PI4KA: variants seen among roughly 807,000 people sequenced by gnomAD.
The protein encoded by PI4KA is phosphatidylinositol 4-kinase alpha.
A neutral mutation model predicts 271.4 loss-of-function variants in PI4KA; 122 were observed. The ratio of observed to expected loss-of-function variants is 0.45; its 90% confidence interval spans 0.39 to 0.52. PI4KA has a LOEUF of 0.52. PI4KA is among the 20% of genes least tolerant of loss of function. The probability of loss-of-function intolerance (pLI) is 0.00; values close to 1 mark genes in which losing one functional copy is unlikely to be tolerated. For missense variants in PI4KA, 1,969 were observed against 2,769.1 expected (o/e 0.71, Z 6.48); for synonymous variants, 1,041 against 1,078.8 (o/e 0.96, Z 0.69).
chr22:20,747,205 C>T (rs1428552529), intron 29 of PI4KA, among the ~76,000 whole-genome samples: 1 of 152,184 alleles, frequency 6.6e-6, no homozygotes, highest in Non-Finnish European at 1.5e-5. Flanking sequence ...GAAAACAGAA[C>T]TGTTCAGGAG....
chr22:20,723,272 G>A (rs574063945), intron 42 of PI4KA, among the ~76,000 whole-genome samples: 9 of 151,646 alleles, frequency 5.9e-5, no homozygotes, highest in Middle Eastern at 3.4e-3. Context: ...CACCCGCCTC[G>A]GCTTCCCAAA....
At chr22:20,835,073 C>T (rs916952616) in intron 2 of PI4KA, among the ~76,000 whole-genome samples, 7 of 152,060 alleles carry the variant, frequency 4.6e-5, no homozygotes, top group Middle Eastern at 3.4e-3. Flanking sequence ...GCTCACAATG[C>T]GGGCATCTCA....
intron 19 of PI4KA, among the ~76,000 whole-genome samples, chr22:20,770,129 T>A (rs915659466): frequency 6.6e-6 from 1 of 151,938 alleles, no homozygotes; most frequent in African/African-American, 2.4e-5. Context: ...TCACTGTACA[T>A]ACTCAAGTGA....
chr22:20,821,800 A>T (rs1259492014), intron 4 of PI4KA, among the ~76,000 whole-genome samples: 2 of 151,928 alleles, frequency 1.3e-5, no homozygotes, highest in African/African-American at 4.8e-5. Context: ...CATGTTGGTT[A>T]GTCTGGTCTC....
chr22:20,782,024 CA>C (rs1409638316), intron 19 of PI4KA, among the ~76,000 whole-genome samples: 2 of 152,214 alleles, frequency 1.3e-5, no homozygotes. Context: ...ATATGATAAA[CA>C]TATGATATTG....
intron 1 of PI4KA, among the ~76,000 whole-genome samples, chr22:20,846,478 G>A (rs1926270921): frequency 6.6e-6 from 1 of 152,014 alleles, no homozygotes; most frequent in Non-Finnish European, 1.5e-5. Flanking sequence ...GCTGAATGAT[G>A]AGAACACAGG....
chr22:20,777,648 G>T (rs1027326671), intron 19 of PI4KA, among the ~76,000 whole-genome samples: 2 of 152,218 alleles, frequency 1.3e-5, no homozygotes, highest in Non-Finnish European at 2.9e-5. Flanking sequence ...CACAGCGCCT[G>T]GCCGGCAGTT....
chr22:20,813,630 G>T, intron 7 of PI4KA, 124 bp from the exon 8 acceptor site: 1 of 762,112 alleles, frequency 1.3e-6, no homozygotes, highest in Non-Finnish European at 2.1e-6. Flanking sequence ...CCAATTCTCT[G>T]CATGTTTTTA....
At chr22:20,725,440 C>G (rs192857903) in intron 42 of PI4KA, 1 of 379,420 alleles carries the variant, frequency 2.6e-6, no homozygotes, top group African/African-American at 2.1e-5. Context: ...CAGAATGGTA[C>G]TGTATTTGGA....
At chr22:20,803,699 T>G (rs1935478106) in intron 12 of PI4KA, among the ~76,000 whole-genome samples, 1 of 151,964 alleles carries the variant, frequency 6.6e-6, no homozygotes, top group African/African-American at 2.4e-5. Flanking sequence ...TAATTCTAAT[T>G]TTTTAAATTT....
intron 32 of PI4KA, among the ~76,000 whole-genome samples, chr22:20,737,282 G>T (rs911470526): frequency 6.6e-6 from 1 of 152,246 alleles, no homozygotes. Context: ...CCTGGGAAAA[G>T]CAGTTAGGCT....
At chr22:20,747,745 T>C (rs1930268955) in intron 28 of PI4KA, 43 bp from the exon 29 acceptor site, 3 of 1,591,206 alleles carry the variant, frequency 1.9e-6, no homozygotes, top group Non-Finnish European at 2.6e-6. Flanking sequence ...ATTTATCTGA[T>C]TTTTTTAGAG....
intron 28 of PI4KA, among the ~76,000 whole-genome samples, chr22:20,748,308 G>T (rs1930330059): frequency 6.6e-6 from 1 of 152,252 alleles, no homozygotes; most frequent in African/African-American, 2.4e-5. Flanking sequence ...ATCTGCTGTG[G>T]TAGCCACCAG....
intron 14 of PI4KA, among the ~76,000 whole-genome samples, chr22:20,800,795 A>G (rs568226872): frequency 6.7e-5 from 10 of 149,282 alleles, no homozygotes; most frequent in African/African-American, 2.2e-4. Flanking sequence ...AATGGCGTGA[A>G]CCCAGGAGGC....
intron 1 of PI4KA, among the ~76,000 whole-genome samples, chr22:20,850,636 AC>A (rs1464740115): frequency 6.6e-6 from 1 of 151,602 alleles, no homozygotes; most frequent in East Asian, 2.0e-4. Flanking sequence ...ACGGGGTTTC[AC>A]CGTGTTAGCC....
At chr22:20,710,583 G>A (rs1925126319) in intron 52 of PI4KA, 116 bp downstream of exon 52, 1 of 879,836 alleles carries the variant, frequency 1.1e-6, no homozygotes, top group Admixed American at 2.3e-5. Context: ...TAGGTCAGCA[G>A]GTGGCTGCTA....
At position 20,776,563 on chromosome 22, in the gene PI4KA, G is replaced by C. The variant is rs369503427; in HGVS notation, c.2329-10870C>G. Among the ~76,000 whole-genome samples the C allele has an allele frequency of 6.6e-5, 10 of 152,224 alleles. No homozygotes were observed. The South Asian group carries it at 1.4e-3, about 22-fold the overall frequency. ...CAGTATTATAAGGGGAAGACCCAAGGAATGGGACTGGCACTGGGAAAACAG... is the reference window on the plus strand; with the variant it reads ...CAGTATTATAAGGGGAAGACCCAAGCAATGGGACTGGCACTGGGAAAACAG... On this transcript the variant is annotated intron_variant, in intron 19 of 54. Transcript: ENST00000255882.
At chr22:20,762,176 A>C (rs1932034725) in intron 22 of PI4KA, among the ~76,000 whole-genome samples, 1 of 152,304 alleles carries the variant, frequency 6.6e-6, no homozygotes, top group African/African-American at 2.4e-5. Context: ...GGCTGTTCAG[A>C]GTTCCAGGGG....
In PI4KA at chr22:20,753,696, C is replaced by CT. The variant is rs946618152; in HGVS notation, c.2792-517dup. Reference sequence around the variant, plus strand: ...GATGTGCCCTTTCTTTTTTCTTTCTCTTTTTTTTGAGATTGAATCTCGTTC... The same window carrying CT: ...GATGTGCCCTTTCTTTTTTCTTTCTCTTTTTTTTTGAGATTGAATCTCGTTC... On this transcript the variant is annotated intron_variant, in intron 23 of 54. Coordinates refer to ENST00000255882, the MANE Select transcript of PI4KA (RefSeq NM_058004.4). Among the ~76,000 whole-genome samples, 11 of 151,962 alleles carry CT rather than the reference C, an allele frequency of 7.2e-5. No homozygotes were observed. In the South Asian group the frequency reaches 2.1e-3, roughly 29 times the overall value.
Sources: allele counts gnomAD v4.1 joint callset (sites outside exome capture counted in the v4.1 genomes callset), GRCh38; gene constraint gnomAD v4.1.1; transcripts MANE v1.5; gene names NCBI Gene and HGNC (gene_info 2026-07-23, HGNC 2026-07-21).